MYBL2: variants seen among roughly 807,000 people sequenced by gnomAD.
The protein encoded by MYBL2 is MYB proto-oncogene like 2, also known as myb-related protein B.
A neutral mutation model predicts 79.9 loss-of-function variants in MYBL2; 28 were observed. The ratio of observed to expected loss-of-function variants is 0.35; its 90% confidence interval spans 0.26 to 0.48. MYBL2 has a LOEUF of 0.48. MYBL2 is among the 20% of genes least tolerant of loss of function. MYBL2 has a pLI of 0.99. For synonymous variants in MYBL2, 378 were observed against 361.2 expected (o/e 1.05, Z -0.53); for missense variants, 735 against 893.9 (o/e 0.82, Z 2.27).
chr20:43,709,490 C>T (rs1047188906), intron 9 of MYBL2, among the ~76,000 whole-genome samples: 3 of 152,222 alleles, frequency 2.0e-5, no homozygotes, highest in South Asian at 2.1e-4. Context: ...GTTCCCTCCA[C>T]GTGTCCATCA....
intron 2 of MYBL2, among the ~76,000 whole-genome samples, chr20:43,680,451 C>T (rs1245036633): frequency 2.0e-5 from 3 of 152,204 alleles, no homozygotes; most frequent in South Asian, 2.1e-4. Flanking sequence ...AGAATTCTCT[C>T]GACTGAGTAA....
chr20:43,685,661 G>A (rs1363826442), intron 4 of MYBL2, among the ~76,000 whole-genome samples: 2 of 151,766 alleles, frequency 1.3e-5, no homozygotes, highest in Non-Finnish European at 2.9e-5. Context: ...AGGCTGAGGC[G>A]GGAGAATCGC....
chr20:43,705,902 G>C (rs530192226), intron 9 of MYBL2, among the ~76,000 whole-genome samples: 1 of 151,322 alleles, frequency 6.6e-6, no homozygotes, highest in African/African-American at 2.4e-5. Context: ...GGATTTCACC[G>C]TATTAGCCAG....
chr20:43,680,676 A>T (rs911076332), intron 2 of MYBL2, among the ~76,000 whole-genome samples: 5 of 151,514 alleles, frequency 3.3e-5, no homozygotes, highest in Non-Finnish European at 7.4e-5. Context: ...TGTATTTTTA[A>T]TAGAGATGGG....
At chr20:43,682,171 A>G (rs419842) in intron 3 of MYBL2, among the ~76,000 whole-genome samples, 1 of 152,210 alleles carries the variant, frequency 6.6e-6, no homozygotes, top group South Asian at 2.1e-4. Flanking sequence ...GTTTCTCAAC[A>G]GTGAGACTGA....
chr20:43,715,019 C>G (rs1274499134), intron 12 of MYBL2, 115 bp from the exon 13 acceptor site: 10 of 1,234,878 alleles, frequency 8.1e-6, no homozygotes, highest in African/African-American at 3.0e-5. Flanking sequence ...AAGTGTGTAT[C>G]CTCTTTCAGG....
intron 4 of MYBL2, among the ~76,000 whole-genome samples, chr20:43,685,242 A>G (rs1987244664): frequency 1.3e-5 from 2 of 151,746 alleles, no homozygotes; most frequent in African/African-American, 4.8e-5. Context: ...GTGCAGTGGC[A>G]TGATCTCAGC....
At chr20:43,703,290 C>A (rs1390431393) in intron 8 of MYBL2, among the ~76,000 whole-genome samples, 1 of 152,196 alleles carries the variant, frequency 6.6e-6, no homozygotes, top group Non-Finnish European at 1.5e-5. Context: ...CTGGCTGGCC[C>A]TGCCTGGTCC....
chr20:43,676,218 C>T (rs569995231), intron 2 of MYBL2, among the ~76,000 whole-genome samples: 239 of 152,168 alleles, frequency 1.6e-3, no homozygotes, highest in African/African-American at 5.1e-3. Context: ...TGCACCCAGC[C>T]CCAATAGGTA....
chr20:43,693,296 T>C (rs1318623462), intron 6 of MYBL2, among the ~76,000 whole-genome samples: 1 of 152,160 alleles, frequency 6.6e-6, no homozygotes, highest in Non-Finnish European at 1.5e-5. Flanking sequence ...CCTCCCAAAG[T>C]GTTGGGATTA....
In MYBL2 at chr20:43,668,387, A is replaced by G. The variant is rs1190044249; in HGVS notation, c.20+1084A>G. Among the ~76,000 whole-genome samples the G allele has an allele frequency of 2.0e-5, 3 of 151,830 alleles. No homozygotes were observed. In the East Asian group the frequency reaches 5.8e-4, roughly 30 times the overall value. ...GGCTAATTTTTTGTATGTTTAGTAGAGACAGGGTTTCACCATGTTAGCCAG... is the reference window on the plus strand; with the variant it reads ...GGCTAATTTTTTGTATGTTTAGTAGGGACAGGGTTTCACCATGTTAGCCAG... On this transcript the variant is annotated intron_variant, in intron 1 of 13. Transcript: ENST00000217026.
At chr20:43,685,452 A>G (rs1040838305) in intron 4 of MYBL2, among the ~76,000 whole-genome samples, 3 of 151,976 alleles carry the variant, frequency 2.0e-5, no homozygotes, top group African/African-American at 4.8e-5. Flanking sequence ...AAGTGCTTGG[A>G]TTACAGGTGT....
At chr20:43,697,041 G>A in intron 6 of MYBL2, among the ~76,000 whole-genome samples, 1 of 19,666 alleles carries the variant, frequency 5.1e-5, no homozygotes, top group Non-Finnish European at 1.7e-4. Context: ...TTTTATAGAT[G>A]TGGAATGATT....
rs149334286 is a variant in MYBL2, at chr20:43,674,224, T to TCCCCC, written c.114+327_114+331dup. 2.6e-4 allele frequency among the ~76,000 whole-genome samples: 15 copies of TCCCCC among 58,222 alleles called. 2 individuals carry two copies. The highest frequency in any genetic ancestry group is 1.4e-3 in the East Asian group (2 of 1,402). 38.2% of individuals were successfully genotyped at this position (58,222 alleles called of 152,430 possible). ...TAGGAGGTTTGGCCAAATCTGTAAC[T>TCCCCC]CCCCCCACCCTTTTTTTTTTTTTTT... is the stretch of plus-strand genomic sequence containing the variant. On this transcript the variant is annotated intron_variant, in intron 2 of 13. Coordinates refer to ENST00000217026, the MANE Select transcript of MYBL2 (RefSeq NM_002466.4).
intron 7 of MYBL2, among the ~76,000 whole-genome samples, chr20:43,701,980 A>G (rs1600559997): frequency 6.6e-6 from 1 of 152,354 alleles, no homozygotes; most frequent in Admixed American, 6.5e-5. Context: ...AGCCTGGCCA[A>G]TATGGGTGTG....
chr20:43,709,910 CCTGGCGTCGGCCCCTAT>C, intron 9 of MYBL2, 36 bp from the exon 10 acceptor site: 4 of 1,429,956 alleles, frequency 2.8e-6, no homozygotes, highest in Non-Finnish European at 3.9e-6. Flanking sequence ...CAGCAGAGTG[CCTGGCGTCGGCCCCTAT>C]CCTGTCACTA....
intron 1 of MYBL2, among the ~76,000 whole-genome samples, chr20:43,670,091 C>T (rs1405086927): frequency 6.6e-6 from 1 of 152,156 alleles, no homozygotes; most frequent in African/African-American, 2.4e-5. Flanking sequence ...GGTGACAAAG[C>T]GAGACTCTAT....
chr20:43,710,140 G>A, intron 10 of MYBL2, 78 bp downstream of exon 10: 2 of 1,159,552 alleles, frequency 1.7e-6, no homozygotes, highest in Non-Finnish European at 2.4e-6. Flanking sequence ...CAGTCCACAG[G>A]ACCCTTCCCT....
intron 9 of MYBL2, among the ~76,000 whole-genome samples, chr20:43,708,991 A>G (rs73276083): frequency 0.013 from 1,935 of 152,282 alleles, 49 homozygotes; most frequent in African/African-American, 0.044. Flanking sequence ...TCCCTGCCTA[A>G]TCTCTAGGTC....
Sources: allele counts gnomAD v4.1 joint callset (sites outside exome capture counted in the v4.1 genomes callset), GRCh38; gene constraint gnomAD v4.1.1; transcripts MANE v1.5; gene names NCBI Gene and HGNC (gene_info 2026-07-23, HGNC 2026-07-21).